Variants in KTN1 observed in about 807,000 individuals in gnomAD.
KTN1 encodes kinectin.
Under a neutral mutation model 222.5 loss-of-function variants are expected in KTN1, and 130 were observed. That is an observed-to-expected ratio of 0.58 (90% CI 0.51 to 0.68). KTN1 has a LOEUF of 0.68. Ranked by LOEUF, KTN1 falls within the 30% of genes least tolerant of loss-of-function variation. KTN1 has a pLI of 0.00. For missense variants in KTN1, 1,508 were observed against 1,500.4 expected (o/e 1.01, Z -0.08); for synonymous variants, 512 against 496.3 (o/e 1.03, Z -0.42).
chr14:55,600,372 G>A (rs1272380998), intron 1 of KTN1, among the ~76,000 whole-genome samples: 1 of 152,034 alleles, frequency 6.6e-6, no homozygotes, highest in Non-Finnish European at 1.5e-5. Context: ...TTAAGTTTAA[G>A]CATCAGTTAT....
At chr14:55,583,194 T>C (rs2032128940) in intron 1 of KTN1, among the ~76,000 whole-genome samples, 1 of 152,130 alleles carries the variant, frequency 6.6e-6, no homozygotes, top group African/African-American at 2.4e-5. Flanking sequence ...GAAAGAGAAA[T>C]AATGACAGTT....
intron 42 of KTN1, 58 bp from the exon 43 acceptor site, chr14:55,679,507 G>A: frequency 1.4e-6 from 2 of 1,437,036 alleles, no homozygotes; most frequent in Non-Finnish European, 9.5e-7. Context: ...CTGTTGTTTG[G>A]TTTTACATTT....
intron 1 of KTN1, 52 bp downstream of exon 1, chr14:55,580,406 G>C (rs1025774741): frequency 4.6e-4 from 67 of 146,778 alleles, no homozygotes; most frequent in African/African-American, 1.5e-3. Flanking sequence ...GGGAGCGCGG[G>C]GGGAGGCGGC....
At chr14:55,644,558 G>T (rs1185533591) in intron 18 of KTN1, 16 of 381,742 alleles carry the variant, frequency 4.2e-5, no homozygotes, top group East Asian at 1.3e-4. Flanking sequence ...CTCAGAATAA[G>T]ACTTTTTTTT....
intron 1 of KTN1, among the ~76,000 whole-genome samples, chr14:55,587,946 G>A (rs2033368310): frequency 6.6e-6 from 1 of 152,000 alleles, no homozygotes; most frequent in Non-Finnish European, 1.5e-5. Flanking sequence ...ATTGGATTTA[G>A]TTTTAACTTG....
At chr14:55,663,894 A>G in intron 32 of KTN1, 61 bp from the exon 33 acceptor site, 1 of 1,338,060 alleles carries the variant, frequency 7.5e-7, no homozygotes, top group Non-Finnish European at 1.1e-6. Context: ...CTGATGAAGT[A>G]AAAAAGCAAA....
intron 28 of KTN1, among the ~76,000 whole-genome samples, chr14:55,653,816 A>G (rs1852582739): frequency 6.6e-6 from 1 of 152,176 alleles, no homozygotes; most frequent in East Asian, 1.9e-4. Flanking sequence ...CAAATCCATC[A>G]AACCCATTTT....
intron 41 of KTN1, among the ~76,000 whole-genome samples, chr14:55,677,473 T>TAA (rs72424779): frequency 1.7e-4 from 17 of 98,342 alleles, no homozygotes; most frequent in East Asian, 5.3e-4. Context: ...AAAGACTGTC[T>TAA]AAAAAAAAAA....
Position 55,612,530 on chromosome 14 carries a change from C to T in KTN1, c.482C>T (p.Ser161Leu), listed in dbSNP as rs529619703. 11 of 1,602,104 alleles carry T rather than the reference C, an allele frequency of 6.9e-6. No individual in the cohort carries two copies. Among genetic ancestry groups the T allele is most frequent in the Admixed American group, 1.8e-5 (1 of 56,740 alleles). ...QPTPPSEAAA[S>L]KKKPGQKKSK... Reference sequence around the variant, plus strand: ...ACCCCTCCCTCTGAAGCAGCTGCCTCGAAGAAGAAACCAGGGCAGAAGAAG... The same window carrying T: ...ACCCCTCCCTCTGAAGCAGCTGCCTTGAAGAAGAAACCAGGGCAGAAGAAG... Residue 161 changes from serine (S) to leucine (L), a missense_variant, in exon 2 of 44, where the codon TCG (serine) becomes TTG (leucine). Transcript: ENST00000395314.
intron 34 of KTN1, among the ~76,000 whole-genome samples, 168 bp downstream of exon 34, chr14:55,667,498 C>T (rs2141278433): frequency 6.6e-6 from 1 of 151,980 alleles, no homozygotes; most frequent in African/African-American, 2.4e-5. Flanking sequence ...GTTCAAAACT[C>T]ATTTCTATTT....
chr14:55,589,349 A>G (rs943570074), intron 1 of KTN1, among the ~76,000 whole-genome samples: 1 of 152,150 alleles, frequency 6.6e-6, no homozygotes, highest in African/African-American at 2.4e-5. Context: ...CCCAGGCTGG[A>G]GTGCAGTGGT....
chr14:55,651,008 A>G (rs1473233263), intron 24 of KTN1, among the ~76,000 whole-genome samples: 1 of 152,026 alleles, frequency 6.6e-6, no homozygotes, highest in Non-Finnish European at 1.5e-5. Flanking sequence ...TCTGCCTTAG[A>G]ACAAAGTACA....
intron 2 of KTN1, among the ~76,000 whole-genome samples, chr14:55,615,315 A>G (rs2038186080): frequency 1.3e-5 from 2 of 152,012 alleles, no homozygotes; most frequent in Non-Finnish European, 2.9e-5. Context: ...ATCTTTTCCA[A>G]ATGAAACTCT....
In KTN1 at chr14:55,612,451, G is replaced by C. The variant is rs776818967; in HGVS notation, c.403G>C (p.Ala135Pro). 3 of 1,614,088 alleles carry C rather than the reference G, an allele frequency of 1.9e-6. No individual in the cohort carries two copies. Among genetic ancestry groups the C allele is most frequent in the Non-Finnish European group, 2.5e-6 (3 of 1,179,984 alleles). The change falls in exon 2 of 44, where the codon GCA becomes CCA. Residue 135 changes from alanine (A) to proline (P), a missense_variant. Coordinates refer to ENST00000395314, the MANE Select transcript of KTN1 (RefSeq NM_001079521.2). Reference sequence around the variant, plus strand: ...AGAGCAGGTCATCAAAGAAAGTGACGCATCAAAGATTCCTGGCAAAAAAGT... The same window carrying C: ...AGAGCAGGTCATCAAAGAAAGTGACCCATCAAAGATTCCTGGCAAAAAAGT... ...LEEQVIKESD[A>P]SKIPGKKVEP...
intron 1 of KTN1, among the ~76,000 whole-genome samples, chr14:55,585,878 A>G (rs1243088170): frequency 2.0e-5 from 3 of 152,216 alleles, no homozygotes; most frequent in African/African-American, 7.2e-5. Context: ...GCAGCCTATA[A>G]TTACTAGAAG....
chr14:55,640,114 C>A, intron 14 of KTN1, 111 bp downstream of exon 14: 1 of 740,022 alleles, frequency 1.4e-6, no homozygotes. Context: ...GTCTAGAATT[C>A]ATTTGAAATA....
At chr14:55,642,123 A>C (rs1409665633) in intron 18 of KTN1, among the ~76,000 whole-genome samples, 1 of 152,132 alleles carries the variant, frequency 6.6e-6, no homozygotes, top group African/African-American at 2.4e-5. Context: ...TATTACTAGC[A>C]CTTAAAAGCA....
intron 24 of KTN1, 136 bp from the exon 25 acceptor site, chr14:55,651,754 A>T (rs551770813): frequency 2.1e-5 from 13 of 611,662 alleles, no homozygotes; most frequent in Admixed American, 1.4e-4. Flanking sequence ...GTAAACTCAA[A>T]ACACATCTCA....
At chr14:55,583,575 T>C (rs1459742217) in intron 1 of KTN1, among the ~76,000 whole-genome samples, 2 of 152,202 alleles carry the variant, frequency 1.3e-5, no homozygotes, top group East Asian at 3.8e-4. Context: ...CTTTTTGGGC[T>C]TTCTCCTTCC....
Sources: allele counts gnomAD v4.1 joint callset (sites outside exome capture counted in the v4.1 genomes callset), GRCh38; gene constraint gnomAD v4.1.1; transcripts MANE v1.5; gene names NCBI Gene and HGNC (gene_info 2026-07-23, HGNC 2026-07-21).